The following DEPDC5 variants were observed in gnomAD, a reference collection of about 807,000 sequenced individuals.
The protein encoded by DEPDC5 is DEP domain containing 5, GATOR1 subcomplex subunit, also known as GATOR1 complex protein DEPDC5.
A neutral mutation model predicts 217.3 loss-of-function variants in DEPDC5; 73 were observed. The observed-to-expected ratio is 0.34, with a 90% CI of 0.28 to 0.41. The LOEUF is 0.41. Among genes scored for constraint, DEPDC5 ranks in the 10% least tolerant of loss-of-function variants. DEPDC5 has a pLI of 1.00. For missense variants in DEPDC5, 1,675 were observed against 2,070.1 expected (o/e 0.81, Z 3.70); for synonymous variants, 733 against 756.7 (o/e 0.97, Z 0.51).
Position 31,764,978 on chromosome 22 carries a change from C to T in DEPDC5, c.197C>T (p.Thr66Ile). Residue 66 changes from threonine (T) to isoleucine (I), a missense_variant, in exon 5 of 43, where the codon ACT becomes ATT. Physicochemically the swap from Thr to Ile is moderately conservative, Grantham distance 89. Coordinates refer to ENST00000651528, the MANE Select transcript of DEPDC5 (RefSeq NM_001242896.3). ...CCAGATATTGTTTCTGTTTTAGAAACTATCAGTGTGGACCAGACTGTGACT... is the reference window on the plus strand; with the variant it reads ...CCAGATATTGTTTCTGTTTTAGAAATTATCAGTGTGGACCAGACTGTGACT... ...KSLKEDLQKE[T>I]ISVDQTVTQV... 6.2e-7 allele frequency: 1 copy of T among 1,612,976 alleles called. No individual in the cohort carries two copies. Among genetic ancestry groups the T allele is most frequent in the Non-Finnish European group, 8.5e-7 (1 of 1,179,034 alleles).
At chr22:31,780,608 C>G (rs1183497417) in intron 8 of DEPDC5, among the ~76,000 whole-genome samples, 1 of 152,156 alleles carries the variant, frequency 6.6e-6, no homozygotes, top group Non-Finnish European at 1.5e-5. Flanking sequence ...TGCCTAGACC[C>G]TGCCTTTCCC....
intron 25 of DEPDC5, 58 bp from the exon 26 acceptor site, chr22:31,836,914 C>G: frequency 6.6e-7 from 1 of 1,506,148 alleles, no homozygotes; most frequent in Non-Finnish European, 9.1e-7. Flanking sequence ...CCCTGGCCCC[C>G]CATCCCACAC....
chr22:31,844,941 C>A, intron 29 of DEPDC5, 77 bp from the exon 30 acceptor site: 17 of 1,479,872 alleles, frequency 1.1e-5, no homozygotes, highest in Non-Finnish European at 1.5e-5. Context: ...CACACCAACT[C>A]CACAGAGAGT....
In DEPDC5 at chr22:31,754,928, A is replaced by T; in HGVS notation, c.7A>T (p.Thr3Ser). Residue 3 changes from threonine (T) to serine (S), a missense_variant, in exon 2 of 43, where the codon ACA becomes TCA. Thr to Ser is a moderately conservative substitution (Grantham distance 58). Around this residue, in one of 11 missense-constraint regions of DEPDC5, gnomAD observed 628 missense variants for 762.1 expected, o/e 0.82. Coordinates refer to ENST00000651528, the MANE Select transcript of DEPDC5 (RefSeq NM_001242896.3). ...AAGGGAAAAACAGTGCAAGATGAGA[A>T]CAACAAAGGTCTACAAACTCGTCAT... MR[T>S]TKVYKLVIHK... The T allele has an allele frequency of 1.2e-6, 2 of 1,614,246 alleles. No individual in the cohort carries two copies. The highest frequency in any genetic ancestry group is 1.7e-6 in the Non-Finnish European group (2 of 1,180,038).
At chr22:31,830,080 G>A (rs777406791) in intron 24 of DEPDC5, among the ~76,000 whole-genome samples, 10 of 152,184 alleles carry the variant, frequency 6.6e-5, no homozygotes, top group Non-Finnish European at 1.3e-4. Context: ...AAGGACCTCC[G>A]TCATTTCTCC....
Position 31,756,618 on chromosome 22 carries a change from A to G in DEPDC5, c.58+1639A>G, listed in dbSNP as rs370215628. 5.3e-4 allele frequency among the ~76,000 whole-genome samples: 80 copies of G among 152,300 alleles called. 2 individuals carry two copies. The South Asian group carries it at 0.014, about 27-fold the overall frequency. On this transcript the variant is annotated intron_variant, in intron 2 of 42. Transcript: ENST00000651528. ...GCTGTATCCAGTCTTCTGCAAGACT[A>G]TAGGTCAAAATACAACTAACAGCTG... is the stretch of plus-strand genomic sequence containing the variant.
In DEPDC5 at chr22:31,899,343, G is replaced by A. The variant is rs969425068; in HGVS notation, c.4375+1690G>A. On this transcript the variant is annotated intron_variant, in intron 40 of 42. Coordinates refer to ENST00000651528, the MANE Select transcript of DEPDC5 (RefSeq NM_001242896.3). ...AAAATCTGACAAGAGTGTGCTGTGT[G>A]TGTGGATTTTCTCTGTTTAAAGCCA... 5.3e-5 allele frequency among the ~76,000 whole-genome samples: 8 copies of A among 152,040 alleles called. No homozygotes were observed. The South Asian group carries it at 6.2e-4, about 12-fold the overall frequency.
chr22:31,816,717 AC>A (rs1486492348), intron 21 of DEPDC5: 3 of 152,358 alleles, frequency 2.0e-5, no homozygotes, highest in Non-Finnish European at 2.9e-5. Flanking sequence ...GGCGTGAGCC[AC>A]CATGCCTGGC....
chr22:31,784,061 C>T (rs2084732487), intron 9 of DEPDC5, 76 bp downstream of exon 9: 3 of 1,156,332 alleles, frequency 2.6e-6, no homozygotes, highest in Non-Finnish European at 2.5e-6. Flanking sequence ...TCATGAATGC[C>T]CAGGGTCCCC....
intron 15 of DEPDC5, among the ~76,000 whole-genome samples, chr22:31,803,590 T>G: frequency 6.6e-6 from 1 of 151,960 alleles, no homozygotes; most frequent in East Asian, 1.9e-4. Flanking sequence ...TATCCCCAAC[T>G]CAGCCCCACA....
chr22:31,762,288 A>G (rs1204221353), intron 4 of DEPDC5, among the ~76,000 whole-genome samples: 1 of 152,242 alleles, frequency 6.6e-6, no homozygotes, highest in Non-Finnish European at 1.5e-5. Context: ...CTGCCGGACT[A>G]TACAGTCTAG....
rs2093388518 is a variant in DEPDC5, at chr22:31,889,421, G to T, written c.4034-4161G>T. 2.6e-5 allele frequency among the ~76,000 whole-genome samples: 4 copies of T among 152,114 alleles called. No individual in the cohort carries two copies. The South Asian group carries it at 8.3e-4, about 31-fold the overall frequency. On this transcript the variant is annotated intron_variant, in intron 38 of 42. Coordinates refer to ENST00000651528, the MANE Select transcript of DEPDC5 (RefSeq NM_001242896.3). The stretch of plus-strand genomic sequence containing the variant: ...AGCATGTTCTGAACTTAACATGCCA[G>T]ATGGGAGAGAAGAGATGCATGAGGC...
At chr22:31,820,065 G>A (rs2089533676) in intron 22 of DEPDC5, among the ~76,000 whole-genome samples, 1 of 152,046 alleles carries the variant, frequency 6.6e-6, no homozygotes, top group Admixed American at 6.6e-5. Context: ...TAGCTTAATG[G>A]GCTCTTATTG....
At chr22:31,802,656 C>A in intron 14 of DEPDC5, 48 bp from the exon 15 acceptor site, 5 of 1,470,672 alleles carry the variant, frequency 3.4e-6, no homozygotes, top group Non-Finnish European at 4.5e-6. Context: ...TGACAGGGTT[C>A]TGAAAAGCTG....
At chr22:31,784,485 T>C in intron 9 of DEPDC5, 2 of 227,568 alleles carry the variant, frequency 8.8e-6, no homozygotes, top group South Asian at 1.3e-4. Flanking sequence ...AAAAATTAGC[T>C]GGGCTTGGTG....
intron 39 of DEPDC5, among the ~76,000 whole-genome samples, chr22:31,895,258 C>A (rs12167538): frequency 0.069 from 10,514 of 151,998 alleles, 450 homozygotes; most frequent in South Asian, 0.18. Flanking sequence ...ATGCACAGGG[C>A]AGCCCCCACA....
At position 31,843,750 on chromosome 22, in the gene DEPDC5, G is replaced by A; in HGVS notation, c.2739G>A (p.Leu913=). 6.2e-7 allele frequency: 1 copy of A among 1,614,102 alleles called. No homozygotes were observed. Among genetic ancestry groups the A allele is most frequent in the Non-Finnish European group, 8.5e-7 (1 of 1,179,978 alleles). The change falls in exon 29 of 43, where the codon CTG becomes CTA. Residue 913 remains leucine, a synonymous_variant. Transcript: ENST00000651528. ...SCWVEFSHER[L]EEYKWNYLDQ... is the part of the protein sequence containing the mutation. ...GGGTGGAATTCTCCCACGAACGGCTGGAGGAGTACAAGTGGAATTACTTAG... is the reference window on the plus strand; with the variant it reads ...GGGTGGAATTCTCCCACGAACGGCTAGAGGAGTACAAGTGGAATTACTTAG...
chr22:31,768,675 G>T, intron 6 of DEPDC5, 139 bp from the exon 7 acceptor site: 1 of 673,656 alleles, frequency 1.5e-6, no homozygotes, highest in Non-Finnish European at 2.5e-6. Flanking sequence ...GTTCAACTTT[G>T]GGTTGGTAGA....
At chr22:31,806,271 C>A in intron 18 of DEPDC5, 80 bp downstream of exon 18, 1 of 1,212,382 alleles carries the variant, frequency 8.2e-7, no homozygotes, top group South Asian at 1.3e-5. Flanking sequence ...AATCAGTCCT[C>A]CTGTTTCAGC....
Sources: gnomAD v4.1 joint callset for allele counts (sites outside exome capture counted in the v4.1 genomes callset) on GRCh38, gnomAD v4.1.1 for gene constraint, gnomAD v4.1.1 regional missense constraint, MANE v1.5 for transcripts, NCBI Gene and HGNC (gene_info 2026-07-23, HGNC 2026-07-21) for gene names.